HSD17B14: variants seen among roughly 807,000 people sequenced by gnomAD.
The protein encoded by HSD17B14 is L-fucose dehydrogenase.
In HSD17B14, 32 loss-of-function variants were observed where a neutral mutation model predicts 32.2. The observed-to-expected ratio is 0.99, with a 90% confidence interval of 0.75 to 1.33. The LOEUF (loss-of-function observed/expected upper bound fraction) is 1.33, where lower values mean the gene tolerates loss of function less well. Among genes scored for constraint, HSD17B14 ranks in the 40% most tolerant of loss-of-function variants. HSD17B14 has a pLI of 0.00. For synonymous variants in HSD17B14, 140 were observed against 155.4 expected, an observed-to-expected ratio of 0.90 and a Z score of 0.74; for missense variants, 370 against 366.5, an observed-to-expected ratio of 1.01 and a Z score of -0.08.
Position 48,815,072 on chromosome 19 carries a change from C to A in HSD17B14, c.439G>T (p.Gly147Cys). The change falls in exon 6 of 9, where the codon GGC becomes TGC. Residue 147 changes from glycine (G) to cysteine (C), a missense_variant. By Grantham distance (159) the Gly-to-Cys change is radical. Transcript: ENST00000263278. Reference sequence around the variant, plus strand: ...ACATAGGGAACTGCCTGGGCCTGGCCGATTGCCCCCACCAGGCTGGAGATG... The same window carrying A: ...ACATAGGGAACTGCCTGGGCCTGGCAGATTGCCCCCACCAGGCTGGAGATG... ...INISSLVGAI[G>C]QAQAVPYVAT... The A allele has an allele frequency of 1.9e-6, 3 of 1,613,904 alleles. No homozygotes were observed. Among genetic ancestry groups the A allele is most frequent in the Non-Finnish European group, 2.5e-6 (3 of 1,179,924 alleles).
At chr19:48,828,333 C>T (rs1009024524) in intron 5 of HSD17B14, among the ~76,000 whole-genome samples, 2 of 152,114 alleles carry the variant, frequency 1.3e-5, no homozygotes, top group African/African-American at 4.8e-5. Context: ...GTCTAGAGTC[C>T]AGAAACCAAG....
intron 5 of HSD17B14, among the ~76,000 whole-genome samples, chr19:48,819,124 G>T (rs2035104590): frequency 1.3e-5 from 2 of 152,156 alleles, no homozygotes; most frequent in Non-Finnish European, 2.9e-5. Flanking sequence ...GAGTAGCTGG[G>T]ATTACGGGCG....
At chr19:48,818,781 C>T (rs1179045742) in intron 5 of HSD17B14, among the ~76,000 whole-genome samples, 3 of 152,088 alleles carry the variant, frequency 2.0e-5, no homozygotes. Flanking sequence ...GGGAGGATCG[C>T]TTCAGTCCAG....
At chr19:48,835,297 A>C (rs865793369) in intron 2 of HSD17B14, among the ~76,000 whole-genome samples, 1,232 of 14,036 alleles carry the variant, frequency 0.088, no homozygotes, top group Admixed American at 0.13. Flanking sequence ...GGAGGAGGGG[A>C]TGGGGGCCTG....
At chr19:48,834,966 C>T (rs1400537438) in intron 2 of HSD17B14, among the ~76,000 whole-genome samples, 3 of 25,146 alleles carry the variant, frequency 1.2e-4, no homozygotes, top group East Asian at 3.0e-3. Context: ...GGAGGAGGGG[C>T]TGGGGGCCTG....
At position 48,836,420 on chromosome 19, in the gene HSD17B14, C is replaced by T. The variant is rs745816907; in HGVS notation, c.-9G>A. On this transcript the variant is annotated 5_prime_UTR_variant, in exon 1 of 9. Coordinates refer to ENST00000263278, the MANE Select transcript of HSD17B14 (RefSeq NM_016246.3). ...CGCGTTCCCGTAGCCATCCCGTGTA[C>T]GTCGGTCTCTCTCTCTCTCTACTCT... 25 of 1,612,004 alleles carry T rather than the reference C, an allele frequency of 1.6e-5. No homozygotes were observed. In the South Asian group the frequency reaches 1.8e-4, roughly 11 times the overall value.
intron 5 of HSD17B14, among the ~76,000 whole-genome samples, chr19:48,816,219 G>C (rs937364430): frequency 6.6e-6 from 1 of 151,954 alleles, no homozygotes; most frequent in Non-Finnish European, 1.5e-5. Flanking sequence ...AGCTGGCCAG[G>C]CAAGGCCTGT....
chr19:48,813,745 G>T lies in HSD17B14; in HGVS notation c.475-15C>A, dbSNP rs2035003642. 1.9e-6 allele frequency: 3 copies of T among 1,614,164 alleles called. No homozygotes were observed. The highest frequency in any genetic ancestry group is 1.3e-5 in the African/African-American group (1 of 75,056). On this transcript the variant is annotated splice_polypyrimidine_tract_variant and intron_variant, in intron 6 of 8. Transcript: ENST00000263278. ...GTTACTGCCCCCTGCAGGAAATGGA[G>T]CGGGGAAGAAAGTTCAGTCCCCGGG...
At chr19:48,827,586 G>A (rs1314477501) in intron 5 of HSD17B14, among the ~76,000 whole-genome samples, 2 of 151,906 alleles carry the variant, frequency 1.3e-5, no homozygotes, top group Non-Finnish European at 1.5e-5. Context: ...TGCCCAGGCT[G>A]GAGTGCAGTG....
intron 2 of HSD17B14, among the ~76,000 whole-genome samples, chr19:48,835,339 AG>A (rs1239615679): frequency 4.4e-5 from 1 of 22,656 alleles, no homozygotes; most frequent in African/African-American, 1.8e-4. Flanking sequence ...AGGGGCTGGG[AG>A]CCTGGACTCC....
At chr19:48,817,210 C>T (rs1254291792) in intron 5 of HSD17B14, among the ~76,000 whole-genome samples, 4 of 150,354 alleles carry the variant, frequency 2.7e-5, no homozygotes, top group East Asian at 3.9e-4. Flanking sequence ...CAGAGTCTCA[C>T]TCTGTTGCCC....
chr19:48,816,799 C>CTTTCTTTCTTTCTT (rs1568517389), intron 5 of HSD17B14, among the ~76,000 whole-genome samples: 1 of 113,214 alleles, frequency 8.8e-6, no homozygotes, highest in Non-Finnish European at 1.8e-5. Context: ...TTCTTTCTTT[C>CTTTCTTTCTTTCTT]TTTCTTTCTT....
chr19:48,833,425 C>T (rs1191390907), intron 3 of HSD17B14, among the ~76,000 whole-genome samples: 2 of 152,196 alleles, frequency 1.3e-5, no homozygotes, highest in Non-Finnish European at 2.9e-5. Flanking sequence ...CGTGCAGTGG[C>T]TCACACCTGT....
At chr19:48,823,220 G>T (rs1206599298) in intron 5 of HSD17B14, among the ~76,000 whole-genome samples, 1 of 152,054 alleles carries the variant, frequency 6.6e-6, no homozygotes, top group Non-Finnish European at 1.5e-5. Flanking sequence ...CCTGAGCCTG[G>T]ACAAAATGGT....
chr19:48,829,677 C>T (rs1402542905), intron 5 of HSD17B14, among the ~76,000 whole-genome samples: 1 of 96,914 alleles, frequency 1.0e-5, no homozygotes, highest in East Asian at 3.4e-4. Flanking sequence ...AGTTTCCGCT[C>T]TTATTGCCCA....
chr19:48,817,585 A>G (rs1216105354), intron 5 of HSD17B14, among the ~76,000 whole-genome samples: 3 of 152,032 alleles, frequency 2.0e-5, no homozygotes, highest in African/African-American at 7.2e-5. Context: ...CTGACAGGCC[A>G]TATATATTTT....
chr19:48,816,823 C>CTTTCT lies in HSD17B14; in HGVS notation c.370-1683_370-1682insAGAAA, dbSNP rs776466547. 4.3e-3 allele frequency among the ~76,000 whole-genome samples: 217 copies of CTTTCT among 50,770 alleles called. 3 individuals carry two copies. The highest frequency in any genetic ancestry group is 0.016 in the African/African-American group (201 of 12,352). 33.3% of individuals were successfully genotyped at this position (50,770 alleles called of 152,430 possible). On this transcript the variant is annotated intron_variant, in intron 5 of 8. Coordinates refer to ENST00000263278, the MANE Select transcript of HSD17B14 (RefSeq NM_016246.3). ...TCTTTCTTTCTTTCTTTCTTTCTTT[C>CTTTCT]TTTTCTTTCTCTCTCTCTCTCTCTT... is the stretch of plus-strand genomic sequence containing the variant.
chr19:48,826,995 C>T lies in HSD17B14; in HGVS notation c.369+4673G>A, dbSNP rs115748121. Among the ~76,000 whole-genome samples the T allele has an allele frequency of 8.4e-3, 1,280 of 152,050 alleles. 18 individuals are homozygous for T. The highest frequency in any genetic ancestry group is 0.029 in the African/African-American group (1,207 of 41,490). On this transcript the variant is annotated intron_variant, in intron 5 of 8. Coordinates refer to ENST00000263278, the MANE Select transcript of HSD17B14 (RefSeq NM_016246.3). Reference sequence around the variant, plus strand: ...TGCCACAGTGAATGGCAGCTCTGTCCGGTCAGTTGCTCAGTTGCTGGAGGT... The same window carrying T: ...TGCCACAGTGAATGGCAGCTCTGTCTGGTCAGTTGCTCAGTTGCTGGAGGT...
chr19:48,828,384 T>C (rs1046597776), intron 5 of HSD17B14, among the ~76,000 whole-genome samples: 1 of 152,102 alleles, frequency 6.6e-6, no homozygotes, highest in Non-Finnish European at 1.5e-5. Context: ...CAGTAGCTCA[T>C]GCCTGTAATC....
Sources: gnomAD v4.1 joint callset for allele counts (sites outside exome capture counted in the v4.1 genomes callset) on GRCh38, gnomAD v4.1.1 for gene constraint, MANE v1.5 for transcripts, NCBI Gene and HGNC (gene_info 2026-07-23, HGNC 2026-07-21) for gene names.